CCNY: variants seen among roughly 807,000 people sequenced by gnomAD.
The protein encoded by CCNY is cyclin Y, also known as cyclin-Y.
A neutral mutation model predicts 42.8 loss-of-function variants in CCNY; 19 were observed. That is an observed-to-expected ratio of 0.44 (90% CI 0.31 to 0.65). CCNY has a LOEUF of 0.65. Ranked by LOEUF, CCNY falls within the 30% of genes least tolerant of loss-of-function variation. The probability of loss-of-function intolerance (pLI) is 0.07; values close to 1 mark genes in which losing one functional copy is unlikely to be tolerated. For synonymous variants in CCNY, 165 were observed against 162.7 expected (o/e 1.01, Z -0.11); for missense variants, 370 against 437.3 (o/e 0.85, Z 1.37).
intron 8 of CCNY, among the ~76,000 whole-genome samples, chr10:35,564,795 C>G (rs537828330): frequency 2.6e-5 from 4 of 152,242 alleles, no homozygotes; most frequent in Non-Finnish European, 5.9e-5. Flanking sequence ...CCATGCTTCC[C>G]TCACCTCAGT....
intron 1 of CCNY, among the ~76,000 whole-genome samples, chr10:35,436,436 G>A (rs1200037917): frequency 6.6e-6 from 1 of 152,154 alleles, no homozygotes; most frequent in Non-Finnish European, 1.5e-5. Flanking sequence ...CCCTGCAGTT[G>A]GTTGAAGGGT....
chr10:35,517,338 G>A (rs1829963110), intron 4 of CCNY, among the ~76,000 whole-genome samples: 1 of 152,118 alleles, frequency 6.6e-6, no homozygotes, highest in African/African-American at 2.4e-5. Flanking sequence ...ATGACCCTTG[G>A]CAAGTACTAT....
chr10:35,534,451 A>G (rs934712015), intron 7 of CCNY, among the ~76,000 whole-genome samples: 3 of 152,182 alleles, frequency 2.0e-5, no homozygotes, highest in African/African-American at 7.2e-5. Context: ...GAGAGGGAGA[A>G]AGAGAGGAAG....
At chr10:35,563,353 C>G (rs191063336) in intron 8 of CCNY, among the ~76,000 whole-genome samples, 2 of 152,296 alleles carry the variant, frequency 1.3e-5, no homozygotes, top group African/African-American at 4.8e-5. Context: ...CTTGACTTTG[C>G]TCGTAGTGTC....
At chr10:35,565,748 C>T (rs1231137438) in intron 8 of CCNY, among the ~76,000 whole-genome samples, 3 of 152,208 alleles carry the variant, frequency 2.0e-5, no homozygotes, top group African/African-American at 7.2e-5. Flanking sequence ...GCAGCCAGAG[C>T]CTGCTGTGTG....
At chr10:35,290,601 G>A (rs1032210605) in intron 3 of CCNY, among the ~76,000 whole-genome samples, 55 of 152,166 alleles carry the variant, frequency 3.6e-4, no homozygotes, top group African/African-American at 1.3e-3. Flanking sequence ...CTCATTTGAA[G>A]TATACAATTC....
chr10:35,516,600 A>G lies in CCNY; in HGVS notation c.342A>G (p.Pro114=). ...IFLDDSTVSQ[P]NLKYTIKCVA... ...TAGATGATAGCACAGTCAGTCAACCAAACCTCAAGTATACAATTAAATGGT... is the reference window on the plus strand; with the variant it reads ...TAGATGATAGCACAGTCAGTCAACCGAACCTCAAGTATACAATTAAATGGT... The change falls in exon 4 of 10, where the codon CCA becomes CCG. Residue 114 remains proline (P), a synonymous_variant. Coordinates refer to ENST00000374704, the MANE Select transcript of CCNY (RefSeq NM_145012.6). 6.2e-7 allele frequency: 1 copy of G among 1,609,614 alleles called. No homozygotes were observed. Among genetic ancestry groups the G allele is most frequent in the East Asian group, 2.2e-5 (1 of 44,796 alleles).
intron 3 of CCNY, among the ~76,000 whole-genome samples, chr10:35,256,507 C>G (rs896361040): frequency 2.2e-4 from 33 of 152,026 alleles, no homozygotes; most frequent in African/African-American, 7.7e-4. Flanking sequence ...GTCAAGGTGG[C>G]TGGATCACAA....
chr10:35,270,863 C>T (rs1036438000), intron 3 of CCNY, among the ~76,000 whole-genome samples: 3 of 151,282 alleles, frequency 2.0e-5, no homozygotes, highest in African/African-American at 7.3e-5. Flanking sequence ...GTAGCTGGGA[C>T]TACAGGCGCC....
chr10:35,338,870 G>A (rs1040915058), intron 1 of CCNY, among the ~76,000 whole-genome samples: 4 of 152,194 alleles, frequency 2.6e-5, no homozygotes, highest in Admixed American at 2.6e-4. Flanking sequence ...CTATTGTAAG[G>A]AAATAAGGTG....
At chr10:35,379,032 G>T (rs1458387226) in intron 1 of CCNY, among the ~76,000 whole-genome samples, 5 of 152,296 alleles carry the variant, frequency 3.3e-5, no homozygotes, top group Admixed American at 1.3e-4. Flanking sequence ...AGTATGCAGG[G>T]TCTTTTACTT....
intron 1 of CCNY, among the ~76,000 whole-genome samples, chr10:35,427,687 A>G (rs1232913172): frequency 6.6e-6 from 1 of 152,276 alleles, no homozygotes; most frequent in Non-Finnish European, 1.5e-5. Context: ...ATGTGTAAAT[A>G]AATAACGTAG....
chr10:35,548,530 T>TCA, intron 7 of CCNY, among the ~76,000 whole-genome samples: 1 of 152,060 alleles, frequency 6.6e-6, no homozygotes, highest in Non-Finnish European at 1.5e-5. Context: ...TCTCCTGACC[T>TCA]TGTGATCTGC....
intron 3 of CCNY, among the ~76,000 whole-genome samples, chr10:35,253,040 A>G (rs925769157): frequency 7.2e-5 from 11 of 152,194 alleles, no homozygotes; most frequent in African/African-American, 2.7e-4. Flanking sequence ...GCTTCTATTT[A>G]TGACAAAAAT....
At chr10:35,440,478 T>C (rs1838641460) in intron 1 of CCNY, among the ~76,000 whole-genome samples, 1 of 152,206 alleles carries the variant, frequency 6.6e-6, no homozygotes, top group Non-Finnish European at 1.5e-5. Flanking sequence ...CCATTTCAGC[T>C]TTGCTTATGA....
intron 1 of CCNY, among the ~76,000 whole-genome samples, chr10:35,459,656 C>T (rs1164958183): frequency 6.6e-6 from 1 of 152,152 alleles, no homozygotes; most frequent in Non-Finnish European, 1.5e-5. Flanking sequence ...GCAGAGTTTT[C>T]TCAGAACTCC....
chr10:35,375,068 AT>A (rs370443433), intron 1 of CCNY, among the ~76,000 whole-genome samples: 42 of 148,318 alleles, frequency 2.8e-4, no homozygotes, highest in African/African-American at 5.2e-4. Flanking sequence ...TTTAAAGTAC[AT>A]TTTTTTTTTT....
chr10:35,479,090 A>G (rs1839593937), intron 1 of CCNY, among the ~76,000 whole-genome samples: 1 of 152,022 alleles, frequency 6.6e-6, no homozygotes. Context: ...GGCAATCATT[A>G]AAAAGTCAGG....
chr10:35,270,250 A>T (rs1336453031), intron 3 of CCNY, among the ~76,000 whole-genome samples: 2 of 152,284 alleles, frequency 1.3e-5, no homozygotes, highest in South Asian at 2.1e-4. Flanking sequence ...ACCCGATCCC[A>T]TTCATGAGGG....
Sources: allele counts gnomAD v4.1 joint callset (sites outside exome capture counted in the v4.1 genomes callset), GRCh38; gene constraint gnomAD v4.1.1; transcripts MANE v1.5; gene names NCBI Gene and HGNC (gene_info 2026-07-23, HGNC 2026-07-21).